GPC5: variants seen among roughly 807,000 people sequenced by gnomAD.
GPC5 encodes the protein glypican 5.
A neutral mutation model predicts 53.9 loss-of-function variants in GPC5; 47 were observed. The ratio of observed to expected loss-of-function variants is 0.87; its 90% CI spans 0.69 to 1.11. GPC5 has a LOEUF of 1.11. GPC5 is among the 50% of genes most tolerant of loss of function. The pLI is 0.00. For synonymous variants in GPC5, 286 were observed against 263.3 expected (o/e 1.09, Z -0.84); for missense variants, 748 against 713.1 (o/e 1.05, Z -0.56).
At chr13:91,535,406 G>C (rs1886543871) in intron 2 of GPC5, among the ~76,000 whole-genome samples, 1 of 152,174 alleles carries the variant, frequency 6.6e-6, no homozygotes, top group Non-Finnish European at 1.5e-5. Flanking sequence ...GTGTCATGAA[G>C]ATAAAAATTT....
chr13:92,213,889 G>T (rs1264589168), intron 7 of GPC5, among the ~76,000 whole-genome samples: 2 of 152,160 alleles, frequency 1.3e-5, no homozygotes, highest in Non-Finnish European at 2.9e-5. Context: ...TATATAGGCA[G>T]AACTTTCTAA....
intron 6 of GPC5, among the ~76,000 whole-genome samples, chr13:91,981,921 T>C (rs1311651628): frequency 6.6e-6 from 1 of 152,050 alleles, no homozygotes; most frequent in Admixed American, 6.6e-5. Context: ...AAACAGGGAA[T>C]GATGAGAGGC....
At chr13:92,195,578 C>T (rs1021874826) in intron 7 of GPC5, among the ~76,000 whole-genome samples, 11 of 152,166 alleles carry the variant, frequency 7.2e-5, no homozygotes, top group Middle Eastern at 6.8e-3. Context: ...TCTACTGACA[C>T]CACGTATGTA....
At chr13:92,077,089 C>T (rs1176956467) in intron 6 of GPC5, among the ~76,000 whole-genome samples, 1 of 152,146 alleles carries the variant, frequency 6.6e-6, no homozygotes, top group Non-Finnish European at 1.5e-5. Flanking sequence ...AAGCCCCACC[C>T]CCTGCTTTGA....
At chr13:91,829,281 G>A (rs2038619959) in intron 5 of GPC5, among the ~76,000 whole-genome samples, 1 of 151,932 alleles carries the variant, frequency 6.6e-6, no homozygotes. Context: ...TTAAGGGGAA[G>A]AATGACAAAT....
At chr13:92,124,253 A>AAG (rs1323134976) in intron 6 of GPC5, among the ~76,000 whole-genome samples, 8 of 149,782 alleles carry the variant, frequency 5.3e-5, no homozygotes, top group African/African-American at 2.0e-4. Context: ...AGAATGAAAA[A>AAG]AAAAAAAAAA....
chr13:91,708,177 C>T (rs1300225910), intron 3 of GPC5, among the ~76,000 whole-genome samples: 8 of 151,976 alleles, frequency 5.3e-5, no homozygotes, highest in Non-Finnish European at 1.2e-4. Flanking sequence ...AAGACAAAGG[C>T]AATATTTGAT....
chr13:92,212,226 T>G (rs2042380395), intron 7 of GPC5, among the ~76,000 whole-genome samples: 1 of 152,100 alleles, frequency 6.6e-6, no homozygotes, highest in African/African-American at 2.4e-5. Flanking sequence ...TAGGTACCAT[T>G]AGCCTCACCT....
intron 7 of GPC5, among the ~76,000 whole-genome samples, chr13:92,213,699 A>G (rs997435473): frequency 6.6e-6 from 1 of 152,186 alleles, no homozygotes; most frequent in African/African-American, 2.4e-5. Flanking sequence ...TAACAATAAT[A>G]AAGAGTTCCT....
intron 7 of GPC5, among the ~76,000 whole-genome samples, chr13:92,216,983 A>G (rs1218301342): frequency 2.0e-5 from 3 of 149,374 alleles, no homozygotes; most frequent in Non-Finnish European, 3.0e-5. Flanking sequence ...TGTCTCAAAA[A>G]AAAAAAAAAA....
intron 3 of GPC5, among the ~76,000 whole-genome samples, chr13:91,710,326 G>A (rs1024550013): frequency 3.9e-5 from 6 of 152,148 alleles, no homozygotes; most frequent in African/African-American, 1.4e-4. Flanking sequence ...TTCCATGAGA[G>A]CACAGCAAGA....
intron 6 of GPC5, among the ~76,000 whole-genome samples, chr13:92,087,898 A>G (rs550390929): frequency 6.6e-6 from 1 of 151,774 alleles, no homozygotes; most frequent in South Asian, 2.1e-4. Context: ...TTCTAAAATT[A>G]CCTTCTTTTT....
At chr13:92,657,077 G>A (rs184508484) in intron 7 of GPC5, among the ~76,000 whole-genome samples, 20 of 152,294 alleles carry the variant, frequency 1.3e-4, no homozygotes, top group Admixed American at 1.2e-3. Context: ...ACAATTTTAA[G>A]TAAATTTTAA....
intron 7 of GPC5, among the ~76,000 whole-genome samples, chr13:92,824,749 C>T (rs1304358242): frequency 1.3e-5 from 2 of 150,294 alleles, no homozygotes; most frequent in East Asian, 3.9e-4. Flanking sequence ...TCTCATCTTA[C>T]AGCATAATAT....
intron 2 of GPC5, among the ~76,000 whole-genome samples, chr13:91,652,046 C>T (rs1436376156): frequency 6.6e-6 from 1 of 152,170 alleles, no homozygotes; most frequent in Non-Finnish European, 1.5e-5. Flanking sequence ...CTATGCAATT[C>T]AGCAGAGAAA....
At chr13:92,764,006 G>A (rs1376973458) in intron 7 of GPC5, among the ~76,000 whole-genome samples, 2 of 152,156 alleles carry the variant, frequency 1.3e-5, no homozygotes, top group African/African-American at 4.8e-5. Context: ...AGAGTCTGTT[G>A]TTTTGCCTGT....
At chr13:92,325,784 A>G (rs2043246717) in intron 7 of GPC5, among the ~76,000 whole-genome samples, 1 of 152,092 alleles carries the variant, frequency 6.6e-6, no homozygotes, top group Admixed American at 6.6e-5. Flanking sequence ...ATAAAAGACT[A>G]AGAATTACAA....
chr13:92,618,459 A>T, intron 7 of GPC5, among the ~76,000 whole-genome samples: 1 of 152,164 alleles, frequency 6.6e-6, no homozygotes, highest in East Asian at 1.9e-4. Flanking sequence ...CCTAATACTA[A>T]TGATGGGCAA....
chr13:92,485,674 G>GA (rs1161483495), intron 7 of GPC5, among the ~76,000 whole-genome samples: 2 of 152,266 alleles, frequency 1.3e-5, no homozygotes, highest in East Asian at 3.9e-4. Context: ...AGGTGGGTAA[G>GA]ATTTGAGAAA....
Sources: gnomAD v4.1 joint callset for allele counts (sites outside exome capture counted in the v4.1 genomes callset) on GRCh38, gnomAD v4.1.1 for gene constraint, MANE v1.5 for transcripts, NCBI Gene and HGNC (gene_info 2026-07-23, HGNC 2026-07-21) for gene names.